SF3B1: variants seen among roughly 807,000 people sequenced by gnomAD.
SF3B1 encodes the protein splicing factor 3b subunit 1.
SF3B1 carries 12 observed loss-of-function variants against 153.8 expected under a neutral mutation model. That is an observed-to-expected ratio of 0.08 (90% CI 0.05 to 0.13). SF3B1 has a LOEUF of 0.13. Ranked by LOEUF, SF3B1 falls within the 10% of genes least tolerant of loss-of-function variation. The pLI, the probability that SF3B1 is intolerant of heterozygous loss-of-function variation, is 1.00. For missense variants in SF3B1, 513 were observed against 1,606.1 expected, an observed-to-expected ratio of 0.32 and a Z score of 11.63; for synonymous variants, 498 against 525.2, an observed-to-expected ratio of 0.95 and a Z score of 0.71.
At chr2:197,410,196 C>T (rs1280864856) in intron 6 of SF3B1, among the ~76,000 whole-genome samples, 189 bp from the exon 7 acceptor site, 1 of 152,046 alleles carries the variant, frequency 6.6e-6, no homozygotes, top group Non-Finnish European at 1.5e-5. Flanking sequence ...TGATTAAAAA[C>T]AATGTAAAGT....
At chr2:197,420,796 T>G (rs2085227869) in intron 3 of SF3B1, among the ~76,000 whole-genome samples, 1 of 152,198 alleles carries the variant, frequency 6.6e-6, no homozygotes, top group Non-Finnish European at 1.5e-5. Flanking sequence ...GTGTGTATAA[T>G]CTCAACTACT....
intron 6 of SF3B1, among the ~76,000 whole-genome samples, chr2:197,414,731 T>C (rs898113619): frequency 6.6e-6 from 1 of 152,112 alleles, no homozygotes; most frequent in African/African-American, 2.4e-5. Flanking sequence ...ATTCAAGGCA[T>C]CTGTGGCTCA....
intron 2 of SF3B1, 101 bp from the exon 3 acceptor site, chr2:197,421,234 C>A: frequency 2.7e-6 from 2 of 747,634 alleles, no homozygotes; most frequent in Non-Finnish European, 4.6e-6. Context: ...GATCTATTGA[C>A]AGTGTGATGT....
chr2:197,397,650 A>T (rs1209600116), intron 22 of SF3B1, among the ~76,000 whole-genome samples: 1 of 152,186 alleles, frequency 6.6e-6, no homozygotes, highest in Non-Finnish European at 1.5e-5. Flanking sequence ...TACAAAAATT[A>T]CCTAGGCGTG....
chr2:197,419,133 T>C, intron 4 of SF3B1: 1 of 524,382 alleles, frequency 1.9e-6, no homozygotes, highest in Non-Finnish European at 3.4e-6. Flanking sequence ...CCTATAATCT[T>C]ATTCTGATGT....
rs143402906 is a variant in SF3B1 at position 197,408,533 on chromosome 2, C to G, written c.953G>C (p.Arg318Pro). The change falls in exon 8 of 25, where the codon CGA (arginine) becomes CCA (proline). Residue 318 changes from arginine to proline, a missense_variant. Physicochemically the swap from Arg to Pro is moderately radical, Grantham distance 103 (BLOSUM62 -2). This residue lies in a region of SF3B1 where 91 missense variants were observed against 157.4 expected (regional missense o/e 0.58). Coordinates refer to ENST00000335508, the MANE Select transcript of SF3B1 (RefSeq NM_012433.4). ...TGTTTCACCAATAGAATCTCCACCT[C>G]GATCTGTTCGAGGAGTCTCAGCCCA... is the stretch of plus-strand genomic sequence containing the variant. ...SGWAETPRTD[R>P]GGDSIGETPT... 4 of 1,613,074 alleles carry G rather than the reference C, an allele frequency of 2.5e-6. No individual in the cohort carries two copies. Among genetic ancestry groups the G allele is most frequent in the Non-Finnish European group, 3.4e-6 (4 of 1,179,976 alleles).
chr2:197,421,848 G>A (rs2085248232), intron 2 of SF3B1, among the ~76,000 whole-genome samples: 1 of 152,092 alleles, frequency 6.6e-6, no homozygotes, highest in African/African-American at 2.4e-5. Flanking sequence ...AGGCGTGGTG[G>A]TGTGCATACG....
At chr2:197,433,908 CCTAAACA>C (rs1320444288) in intron 1 of SF3B1, among the ~76,000 whole-genome samples, 1 of 152,166 alleles carries the variant, frequency 6.6e-6, no homozygotes, top group Non-Finnish European at 1.5e-5. Flanking sequence ...GTGAAACAAC[CCTAAACA>C]TAATCATTCC....
chr2:197,413,273 T>C (rs2085099029), intron 6 of SF3B1, among the ~76,000 whole-genome samples: 2 of 151,514 alleles, frequency 1.3e-5, no homozygotes, highest in African/African-American at 2.4e-5. Context: ...TGATGGCACA[T>C]GCCTGTAATC....
At chr2:197,425,358 C>T (rs1453072117) in intron 1 of SF3B1, among the ~76,000 whole-genome samples, 4 of 151,960 alleles carry the variant, frequency 2.6e-5, no homozygotes, top group Admixed American at 1.3e-4. Flanking sequence ...CCCAGCTACT[C>T]GGGAGGCTGA....
At chr2:197,428,018 A>T (rs949174855) in intron 1 of SF3B1, among the ~76,000 whole-genome samples, 1 of 151,364 alleles carries the variant, frequency 6.6e-6, no homozygotes, top group African/African-American at 2.4e-5. Flanking sequence ...ACTCCGTCTC[A>T]AATTAATTAA....
intron 7 of SF3B1, among the ~76,000 whole-genome samples, chr2:197,409,124 A>G (rs58597791): frequency 0.04 from 6,096 of 152,094 alleles, 395 homozygotes; most frequent in African/African-American, 0.14. Context: ...CAGGGGCCGG[A>G]AGCGGTGGCT....
At chr2:197,403,187 T>C (rs2084953199) in intron 12 of SF3B1, 152 bp from the exon 13 acceptor site, 3 of 647,010 alleles carry the variant, frequency 4.6e-6, no homozygotes, top group Middle Eastern at 4.2e-4. Context: ...TTATACAAGT[T>C]CAAACTCCAG....
Position 197,431,108 on chromosome 2 carries a change from T to C in SF3B1, c.28+3864A>G, listed in dbSNP as rs1437130621. Among the ~76,000 whole-genome samples the C allele has an allele frequency of 8.0e-4, 98 of 122,870 alleles. 1 individual carries two copies. Among genetic ancestry groups the C allele is most frequent in the Middle Eastern group, 3.7e-3 (1 of 270 alleles). 80.6% of individuals were successfully genotyped at this position (122,870 alleles called of 152,430 possible). ...TCCCCTCCTGTGCCTTTTCTTCTTT[T>C]TTTTTTTTTTTTTTTTTTTTTTGAG... On this transcript the variant is annotated intron_variant, in intron 1 of 24. Coordinates refer to ENST00000335508, the MANE Select transcript of SF3B1 (RefSeq NM_012433.4).
At chr2:197,425,469 AAAAT>A (rs892469791) in intron 1 of SF3B1, among the ~76,000 whole-genome samples, 3 of 152,162 alleles carry the variant, frequency 2.0e-5, no homozygotes, top group African/African-American at 4.8e-5. Flanking sequence ...TCCGTCTCAA[AAAAT>A]AAATAGATAA....
At chr2:197,392,660 C>G (rs561152694) in intron 24 of SF3B1, among the ~76,000 whole-genome samples, 199 bp from the exon 25 acceptor site, 1 of 150,352 alleles carries the variant, frequency 6.7e-6, no homozygotes, top group Non-Finnish European at 1.5e-5. Flanking sequence ...ATTGTTCTAC[C>G]ATATGGCACA....
At chr2:197,408,287 A>G in intron 8 of SF3B1, 82 bp downstream of exon 8, 1 of 1,382,218 alleles carries the variant, frequency 7.2e-7, no homozygotes, top group Non-Finnish European at 1.0e-6. Context: ...AGTTGACATT[A>G]ATAGTACACA....
At chr2:197,418,189 T>A (rs1439567892) in intron 5 of SF3B1, among the ~76,000 whole-genome samples, 3 of 123,564 alleles carry the variant, frequency 2.4e-5, no homozygotes, top group Admixed American at 1.1e-4. Context: ...TGAGATGAGA[T>A]CACGCCACTG....
At chr2:197,404,173 C>T (rs1001229484) in intron 11 of SF3B1, among the ~76,000 whole-genome samples, 1 of 152,116 alleles carries the variant, frequency 6.6e-6, no homozygotes, top group Non-Finnish European at 1.5e-5. Context: ...GCTTTTTTAA[C>T]CAAAGAATTT....
Sources: allele counts gnomAD v4.1 joint callset (sites outside exome capture counted in the v4.1 genomes callset), GRCh38; gene constraint gnomAD v4.1.1; regional missense constraint gnomAD v4.1.1; transcripts MANE v1.5; gene names NCBI Gene and HGNC (gene_info 2026-07-23, HGNC 2026-07-21).